ZNF800: variants seen among roughly 807,000 people sequenced by gnomAD.
ZNF800 encodes zinc finger protein 800.
Under a neutral mutation model 59.5 loss-of-function variants are expected in ZNF800, and 13 were observed. The observed-to-expected ratio is 0.22, with a 90% CI of 0.14 to 0.35. ZNF800 has a LOEUF of 0.35. ZNF800 is among the 10% of genes least tolerant of loss of function. ZNF800 has a pLI of 1.00. For synonymous variants in ZNF800, 266 were observed against 265.7 expected, an observed-to-expected ratio of 1.00 and a Z score of -0.01; for missense variants, 621 against 783.7, an observed-to-expected ratio of 0.79 and a Z score of 2.48.
chr7:127,372,816 G>C, intron 5 of ZNF800: 1 of 985,148 alleles, frequency 1.0e-6, no homozygotes, highest in Non-Finnish European at 1.2e-6. Context: ...TCAATTCGGG[G>C]ATTTTTTTTT....
chr7:127,351,241 A>G (rs971407949), intron 1 of ZNF800, among the ~76,000 whole-genome samples: 1 of 152,156 alleles, frequency 6.6e-6, no homozygotes, highest in South Asian at 2.1e-4. Context: ...CATTTCACCC[A>G]TCGAAAAATG....
intron 1 of ZNF800, among the ~76,000 whole-genome samples, chr7:127,351,847 T>G (rs890585805): frequency 6.6e-6 from 1 of 152,194 alleles, no homozygotes; most frequent in Non-Finnish European, 1.5e-5. Flanking sequence ...CACAGTTAGA[T>G]GGAAATGGCT....
intron 1 of ZNF800, chr7:127,350,354 T>C (rs895723382): frequency 6.6e-6 from 1 of 152,164 alleles, no homozygotes; most frequent in African/African-American, 2.4e-5. Flanking sequence ...GGAAAAAAAA[T>C]TTAGAAAATT....
chr7:127,363,560 T>G (rs576870768), intron 1 of ZNF800: 1 of 151,474 alleles, frequency 6.6e-6, no homozygotes, highest in South Asian at 2.1e-4. Flanking sequence ...AGAGAAGAGA[T>G]AGAAATAGAT....
rs758653502 is a variant in ZNF800 at position 127,374,310 on chromosome 7, C to T, written c.1026G>A (p.Lys342=). The T allele has an allele frequency of 6.2e-7, 1 of 1,613,076 alleles. No homozygotes were observed. The highest frequency in any genetic ancestry group is 8.5e-7 in the Non-Finnish European group (1 of 1,179,748). ...LDSISPKKSF[K]TRKQKSSSKA... The stretch of plus-strand genomic sequence containing the variant: ...TTGAAGAAGACTTTTGTTTTCGAGT[C>T]TTAAAAGATTTTTTAGGAGAAATAG... The change falls in exon 5 of 6, where the codon AAG becomes AAA. Residue 342 remains lysine, a synonymous_variant. Coordinates refer to ENST00000265827, the MANE Select transcript of ZNF800 (RefSeq NM_176814.5).
rs1800621126 is a variant in ZNF800, at chr7:127,371,075, C to A, written c.*739G>T. 6.6e-6 allele frequency: 1 copy of A among 152,448 alleles called. No individual in the cohort carries two copies. The highest frequency in any genetic ancestry group is 2.4e-5 in the African/African-American group (1 of 41,402). The allele number at this position is 152,448 out of a possible 1,614,324, so 9.4% of individuals were successfully genotyped here. A position where few individuals can be genotyped will look rare whatever the true frequency, so the allele number is the denominator to read the frequency against. On this transcript the variant is annotated 3_prime_UTR_variant, in exon 6 of 6. Coordinates refer to ENST00000265827, the MANE Select transcript of ZNF800 (RefSeq NM_176814.5). Reference sequence around the variant, plus strand: ...TAGGAACTGAAAAATAAGGTTGCATCTATCATTAAAGTGCTTTGTATAAAA... The same window carrying A: ...TAGGAACTGAAAAATAAGGTTGCATATATCATTAAAGTGCTTTGTATAAAA...
chr7:127,385,997 G>T, intron 3 of ZNF800, 63 bp downstream of exon 3: 2 of 1,030,924 alleles, frequency 1.9e-6, no homozygotes, highest in Non-Finnish European at 2.9e-6. Flanking sequence ...TATTTCTAAG[G>T]ACTTCTAGGT....
At chr7:127,352,017 A>T (rs770366649) in intron 1 of ZNF800, among the ~76,000 whole-genome samples, 1 of 152,250 alleles carries the variant, frequency 6.6e-6, no homozygotes, top group Non-Finnish European at 1.5e-5. Context: ...TAAAAGAATA[A>T]AAATCTTAAA....
In ZNF800 at chr7:127,373,442, A is replaced by G. The variant is rs370009019; in HGVS notation, c.1894T>C (p.Tyr632His). The change falls in exon 5 of 6, where the codon TAC becomes CAC. Residue 632 changes from tyrosine to histidine, a missense_variant. Tyr to His is a moderately conservative substitution (Grantham distance 83). Around this residue, in one of 7 missense-constraint regions of ZNF800, gnomAD observed 94 missense variants for 108.5 expected, o/e 0.87. Coordinates refer to ENST00000265827, the MANE Select transcript of ZNF800 (RefSeq NM_176814.5). ...KCGKAFAKKT[Y>H]LEHHKKTHKA... ...TGAGTTTTCTTATGATGTTCAAGGTAAGTCTTTTTGGCAAATGCCTTTCCA... is the reference window on the plus strand; with the variant it reads ...TGAGTTTTCTTATGATGTTCAAGGTGAGTCTTTTTGGCAAATGCCTTTCCA... 6.2e-7 allele frequency: 1 copy of G among 1,614,026 alleles called. No individual in the cohort carries two copies. The highest frequency in any genetic ancestry group is 1.3e-5 in the African/African-American group (1 of 74,928).
chr7:127,378,716 C>T (rs1385693457), intron 3 of ZNF800, among the ~76,000 whole-genome samples: 6 of 53,760 alleles, frequency 1.1e-4, no homozygotes, highest in African/African-American at 4.2e-4. Context: ...ACCCCCACAA[C>T]ATACACACAC....
intron 5 of ZNF800, 130 bp downstream of exon 5, chr7:127,373,212 C>G: frequency 6.8e-7 from 1 of 1,468,954 alleles, no homozygotes; most frequent in South Asian, 1.5e-5. Flanking sequence ...ATTACTCTTG[C>G]AGTTCCCATT....
chr7:127,372,687 C>CA, intron 5 of ZNF800: 1 of 985,078 alleles, frequency 1.0e-6, no homozygotes, highest in Non-Finnish European at 1.2e-6. Flanking sequence ...AAAACAGTAA[C>CA]TAACACACAC....
In ZNF800 at chr7:127,370,182, T is replaced by C. The variant is rs1000263930; in HGVS notation, c.*1632A>G. ...GATCTATAAGTACAAATTTTCAATA[T>C]GTGGGAAAGTAAATCTGTTTTTAAA... On this transcript the variant is annotated 3_prime_UTR_variant, in exon 6 of 6. Transcript: ENST00000265827. The C allele has an allele frequency of 3.5e-4, 54 of 152,300 alleles. No individual in the cohort carries two copies. The highest frequency in any genetic ancestry group is 1.2e-3 in the African/African-American group (48 of 41,576). 9.4% of individuals were successfully genotyped at this position (152,300 alleles called of 1,614,324 possible).
chr7:127,362,215 T>C (rs1237789027), intron 1 of ZNF800: 1 of 152,154 alleles, frequency 6.6e-6, no homozygotes. Context: ...TGTTATTTGA[T>C]TGGAATTTCT....
chr7:127,373,154 C>T (rs1282283004), intron 5 of ZNF800, 188 bp downstream of exon 5: 2 of 985,282 alleles, frequency 2.0e-6, no homozygotes, highest in African/African-American at 3.5e-5. Flanking sequence ...ACTTTTGTTC[C>T]CAAGCCACTG....
chr7:127,343,467 T>C (rs1800003967), downstream of ZNF800, among the ~76,000 whole-genome samples: 1 of 151,872 alleles, frequency 6.6e-6, no homozygotes, highest in African/African-American at 2.4e-5. Context: ...AAAAATATGA[T>C]TTTTTAAATT....
In ZNF800 at chr7:127,370,668, A is replaced by T. The variant is rs1800611718; in HGVS notation, c.*1146T>A. The T allele has an allele frequency of 6.6e-6, 1 of 152,600 alleles. No individual in the cohort carries two copies. Among genetic ancestry groups the T allele is most frequent in the South Asian group, 2.1e-4 (1 of 4,834 alleles). The allele number at this position is 152,600 out of a possible 1,614,324, so 9.5% of individuals were successfully genotyped here. A position where few individuals can be genotyped will look rare whatever the true frequency, so the allele number is the denominator to read the frequency against. On this transcript the variant is annotated 3_prime_UTR_variant, in exon 6 of 6. Transcript: ENST00000265827. Reference sequence around the variant, plus strand: ...ATTTTCTGCTGTACCTTTTATAATTATAATTTGACACAAATAACTAAAAAA... The same window carrying T: ...ATTTTCTGCTGTACCTTTTATAATTTTAATTTGACACAAATAACTAAAAAA...
intron 5 of ZNF800, 53 bp downstream of exon 5, chr7:127,373,285 ATTTT>A (rs200843686): frequency 4.1e-5 from 59 of 1,439,256 alleles, no homozygotes; most frequent in Non-Finnish European, 5.4e-5. Flanking sequence ...TGGTCAAATG[ATTTT>A]TTTTTTAGTT....
In ZNF800 at chr7:127,373,451, T is replaced by C. The variant is rs373818543; in HGVS notation, c.1885A>G (p.Lys629Glu). 1.1e-4 allele frequency: 181 copies of C among 1,614,048 alleles called. No homozygotes were observed. The highest frequency in any genetic ancestry group is 1.5e-4 in the Non-Finnish European group (175 of 1,180,016). ...TTATGATGTTCAAGGTAAGTCTTTT[T>C]GGCAAATGCCTTTCCACATTTATTG... Reference protein sequence around the residue: ...RCNKCGKAFAKKTYLEHHKKT... With the variant: ...RCNKCGKAFAEKTYLEHHKKT... The change falls in exon 5 of 6, where the codon AAA becomes GAA. Residue 629 changes from lysine to glutamate, a missense_variant. Coordinates refer to ENST00000265827, the MANE Select transcript of ZNF800 (RefSeq NM_176814.5).
Sources: allele counts gnomAD v4.1 joint callset (sites outside exome capture counted in the v4.1 genomes callset), GRCh38; gene constraint gnomAD v4.1.1; regional missense constraint gnomAD v4.1.1; transcripts MANE v1.5; gene names NCBI Gene and HGNC (gene_info 2026-07-23, HGNC 2026-07-21).